OR5M1: variants seen among roughly 807,000 people sequenced by gnomAD.
OR5M1 encodes olfactory receptor family 5 subfamily M member 1.
For synonymous variants in OR5M1, 165 were observed against 144.2 expected (o/e 1.14, Z -1.04); for missense variants, 367 against 379.5 (o/e 0.97, Z 0.27).
In OR5M1 at chr11:56,611,016, C is replaced by G. The variant is rs1253071852; in HGVS notation, c.*1539G>C. On this transcript the variant is annotated 3_prime_UTR_variant, in exon 2 of 2. Coordinates refer to ENST00000641076, the MANE Select transcript of OR5M1 (RefSeq NM_001004740.2). ...CAAATCTGGATATGAGACCATTCTG[C>G]TTGCCAGAAATGGAATACAATGCTT... 6.6e-6 allele frequency: 1 copy of G among 151,964 alleles called. No individual in the cohort carries two copies. The highest frequency in any genetic ancestry group is 2.4e-5 in the African/African-American group (1 of 41,392). The allele number at this position is 151,964 out of a possible 1,614,324, so 9.4% of individuals were successfully genotyped here.
At position 56,613,495 on chromosome 11, in the gene OR5M1, G is replaced by A. The variant is rs151301846; in HGVS notation, c.8C>T (p.Ser3Phe). The A allele has an allele frequency of 0.019, 29,885 of 1,611,884 alleles. 389 individuals carry two copies. The highest frequency in any genetic ancestry group is 0.036 in the South Asian group (3,265 of 91,010). The change falls in exon 2 of 2, where the codon TCC becomes TTC. Residue 3 changes from serine (S) to phenylalanine (F), a missense_variant. Physicochemically the swap from Ser to Phe is radical, Grantham distance 155. Coordinates refer to ENST00000641076, the MANE Select transcript of OR5M1 (RefSeq NM_001004740.2). The stretch of plus-strand genomic sequence containing the variant: ...TTCTGTCACTATGGTGTGGTTTGGG[G>A]AGAACATCTTCTTATCTCTTGAAAC... MF[S>F]PNHTIVTEFI...
Position 56,613,221 on chromosome 11 carries a change from G to T in OR5M1, c.282C>A (p.Tyr94Ter), listed in dbSNP as rs371477399. The T allele has an allele frequency of 6.2e-7, 1 of 1,613,726 alleles. No homozygotes were observed. Among genetic ancestry groups the T allele is most frequent in the South Asian group, 1.1e-5 (1 of 91,080 alleles). Residue 94 changes from tyrosine to a stop codon, truncating the protein, a stop_gained, in exon 2 of 2, where the codon TAC becomes TAA. Transcript: ENST00000641076. LOFTEE classifies it low-confidence loss of function (END_TRUNC). ...NFLSEQKTISYAGCFTQCLLF... is the reference protein window; with the variant it reads ...NFLSEQKTIS ...GAAGACACTGTGTGAAGCATCCAGC[G>T]TAGGAGATGGTCTTCTGTTCTGAGA...
rs897570820 is a variant in OR5M1 at position 56,610,166 on chromosome 11, A to T, written c.*2389T>A. 8 of 152,188 alleles carry T rather than the reference A, an allele frequency of 5.3e-5. No individual in the cohort carries two copies. The highest frequency in any genetic ancestry group is 1.9e-4 in the African/African-American group (8 of 41,568). The allele number at this position is 152,188 out of a possible 1,614,324, so 9.4% of individuals were successfully genotyped here. On this transcript the variant is annotated 3_prime_UTR_variant, in exon 2 of 2. Coordinates refer to ENST00000641076, the MANE Select transcript of OR5M1 (RefSeq NM_001004740.2). ...TTTGTCTGTACCTGGTAATTAATTA[A>T]TATGAATATGTATGCCTTTGCGACT...
rs754686996 is a variant in OR5M1, at chr11:56,613,075, C to G, written c.428G>C (p.Cys143Ser). Reference protein sequence around the residue: ...SSRMSKNICVCLVTIPYMYGF... With the variant: ...SSRMSKNICVSLVTIPYMYGF... ...ATACATGTAAGGGATAGTGACCAGA[C>G]AGACACAGATGTTCTTGGACATCCT... Residue 143 changes from cysteine to serine, a missense_variant, in exon 2 of 2, where the codon TGT becomes TCT. Physicochemically the swap from Cys to Ser is moderately radical, Grantham distance 112. Coordinates refer to ENST00000641076, the MANE Select transcript of OR5M1 (RefSeq NM_001004740.2). 6.4e-6 allele frequency: 10 copies of G among 1,564,980 alleles called. No homozygotes were observed. Among genetic ancestry groups the G allele is most frequent in the Non-Finnish European group, 7.8e-6 (9 of 1,150,634 alleles).
chr11:56,612,550 CA>C lies in OR5M1; in HGVS notation c.*4del. ...AGCAATTCGTGACTGCAAATAAACA[CA>C]AGCCTAAACTGCAATTTTATGAAAG... is the stretch of plus-strand genomic sequence containing the variant. On this transcript the variant is annotated 3_prime_UTR_variant, in exon 2 of 2. Transcript: ENST00000641076. The C allele has an allele frequency of 6.3e-7, 1 of 1,577,022 alleles. No individual in the cohort carries two copies. Among genetic ancestry groups the C allele is most frequent in the Non-Finnish European group, 8.6e-7 (1 of 1,165,892 alleles).
In OR5M1 at chr11:56,610,615, T is replaced by C. The variant is rs1323005399; in HGVS notation, c.*1940A>G. 6.6e-6 allele frequency: 1 copy of C among 152,112 alleles called. No homozygotes were observed. The highest frequency in any genetic ancestry group is 1.5e-5 in the Non-Finnish European group (1 of 67,984). 9.4% of individuals were successfully genotyped at this position (152,112 alleles called of 1,614,324 possible). A position where few individuals can be genotyped will look rare whatever the true frequency, so the allele number is the denominator to read the frequency against. On this transcript the variant is annotated 3_prime_UTR_variant, in exon 2 of 2. Coordinates refer to ENST00000641076, the MANE Select transcript of OR5M1 (RefSeq NM_001004740.2). ...GTAAATGGAGATAATAATTCTCTCA[T>C]TATTTCATTTATGAAGATTAAAATA...
In OR5M1 at chr11:56,609,620, C is replaced by T. The variant is rs922745550; in HGVS notation, c.*2935G>A. 17 of 151,650 alleles carry T rather than the reference C, an allele frequency of 1.1e-4. No individual in the cohort carries two copies. The highest frequency in any genetic ancestry group is 3.4e-4 in the African/African-American group (14 of 41,318). 9.4% of individuals were successfully genotyped at this position (151,650 alleles called of 1,614,324 possible). A position where few individuals can be genotyped will look rare whatever the true frequency, so the allele number is the denominator to read the frequency against. ...GCAGGAGTTTCAAAAGCATTGAAAA[C>T]ATTTAATTCAGCAGTTCCACTTCTG... is the stretch of plus-strand genomic sequence containing the variant. On this transcript the variant is annotated 3_prime_UTR_variant, in exon 2 of 2. Transcript: ENST00000641076.
At chr11:56,613,576 C>A in intron 1 of OR5M1, 57 bp from the exon 2 acceptor site, 1 of 1,383,060 alleles carries the variant, frequency 7.2e-7, no homozygotes, top group South Asian at 1.3e-5. Flanking sequence ...GCATTTGTTT[C>A]ATCCATTTAT....
At chr11:56,613,849 C>T (rs1015286840) in intron 1 of OR5M1, among the ~76,000 whole-genome samples, 3 of 151,914 alleles carry the variant, frequency 2.0e-5, no homozygotes, top group African/African-American at 7.3e-5. Context: ...ATTCAAACTT[C>T]GTGAGGAAAC....
At position 56,612,324 on chromosome 11, in the gene OR5M1, C is replaced by G. The variant is rs1193206093; in HGVS notation, c.*231G>C. On this transcript the variant is annotated 3_prime_UTR_variant, in exon 2 of 2. Transcript: ENST00000641076. ...TATTTTCATATAGAATTATTAGATA[C>G]TAAAAAATTTATTTTCATAGAATTT... The G allele has an allele frequency of 3.2e-6, 1 of 308,728 alleles. No individual in the cohort carries two copies. The highest frequency in any genetic ancestry group is 2.2e-5 in the African/African-American group (1 of 46,272). 19.1% of individuals were successfully genotyped at this position (308,728 alleles called of 1,614,324 possible).
chr11:56,609,582 A>G lies in OR5M1; in HGVS notation c.*2973T>C, dbSNP rs1442430171. On this transcript the variant is annotated 3_prime_UTR_variant, in exon 2 of 2. Transcript: ENST00000641076. Reference sequence around the variant, plus strand: ...AAGCTTTCTGGAGAAAAATTTACCCATAGAAAAATTTAGCAGGAGTTTCAA... The same window carrying G: ...AAGCTTTCTGGAGAAAAATTTACCCGTAGAAAAATTTAGCAGGAGTTTCAA... 2.0e-5 allele frequency: 3 copies of G among 151,982 alleles called. No homozygotes were observed. Among genetic ancestry groups the G allele is most frequent in the Non-Finnish European group, 4.4e-5 (3 of 67,852 alleles). 9.4% of individuals were successfully genotyped at this position (151,982 alleles called of 1,614,324 possible).
rs768719281 is a variant in OR5M1, at chr11:56,612,626, G to A, written c.877C>T (p.Arg293Trp). ...PMLNPLIYSL[R>W]NTDVILAMQQ... ...ATGGCAAGGATTACATCTGTGTTCC[G>A]TAGGCTATAGATCAATGGGTTCAGC... Residue 293 changes from arginine (R) to tryptophan (W), a missense_variant, in exon 2 of 2, where the codon CGG (arginine) becomes TGG (tryptophan). By Grantham distance (101) the Arg-to-Trp change is moderately radical. Coordinates refer to ENST00000641076, the MANE Select transcript of OR5M1 (RefSeq NM_001004740.2). 1.9e-5 allele frequency: 30 copies of A among 1,612,832 alleles called. No individual in the cohort carries two copies. Among genetic ancestry groups the A allele is most frequent in the Non-Finnish European group, 2.3e-5 (27 of 1,179,558 alleles).
In OR5M1 at chr11:56,612,343, A is replaced by T; in HGVS notation, c.*212T>A. 3 of 348,672 alleles carry T rather than the reference A, an allele frequency of 8.6e-6. No homozygotes were observed. Among genetic ancestry groups the T allele is most frequent in the Non-Finnish European group, 1.5e-5 (3 of 194,682 alleles). The allele number at this position is 348,672 out of a possible 1,614,324, so 21.6% of individuals were successfully genotyped here. Reference sequence around the variant, plus strand: ...TAGATACTAAAAAATTTATTTTCATAGAATTTCTGACAAATAAAACATTTT... The same window carrying T: ...TAGATACTAAAAAATTTATTTTCATTGAATTTCTGACAAATAAAACATTTT... On this transcript the variant is annotated 3_prime_UTR_variant, in exon 2 of 2. Coordinates refer to ENST00000641076, the MANE Select transcript of OR5M1 (RefSeq NM_001004740.2).
rs186105577 is a variant in OR5M1, at chr11:56,613,404, C to T, written c.99G>A (p.Ala33=). ...LEKILFGVFL[A]IYLITLAGNL... ...TGCCTGCCAGTGTGATTAGGTAGAT[C>T]GCAAGGAATACCCCAAACAGGATCT... Residue 33 remains alanine (A), a synonymous_variant, in exon 2 of 2, where the codon GCG becomes GCA. Transcript: ENST00000641076. 5.8e-5 allele frequency: 94 copies of T among 1,613,578 alleles called. No homozygotes were observed. In the East Asian group the frequency reaches 1.5e-3, roughly 26 times the overall value.
chr11:56,611,379 G>A lies in OR5M1; in HGVS notation c.*1176C>T, dbSNP rs1433340232. The stretch of plus-strand genomic sequence containing the variant: ...TGCCCCCATTTTACAAAAACTGCAA[G>A]TCATCTGCTTAATATTCTGGAAAAC... On this transcript the variant is annotated 3_prime_UTR_variant, in exon 2 of 2. Coordinates refer to ENST00000641076, the MANE Select transcript of OR5M1 (RefSeq NM_001004740.2). 1.3e-5 allele frequency: 2 copies of A among 152,068 alleles called. No homozygotes were observed. The highest frequency in any genetic ancestry group is 2.4e-5 in the African/African-American group (1 of 41,386). 9.4% of individuals were successfully genotyped at this position (152,068 alleles called of 1,614,324 possible).
In OR5M1 at chr11:56,613,520, C is replaced by T; in HGVS notation, c.-17-1G>A. 6.3e-7 allele frequency: 1 copy of T among 1,595,918 alleles called. No homozygotes were observed. The highest frequency in any genetic ancestry group is 8.6e-7 in the Non-Finnish European group (1 of 1,165,792). ...GAGAACATCTTCTTATCTCTTGAAA[C>T]TGAAAGTGACAAAGAATGTGAGGAT... On this transcript the variant is annotated splice_acceptor_variant, in intron 1 of 1. Coordinates refer to ENST00000641076, the MANE Select transcript of OR5M1 (RefSeq NM_001004740.2). LOFTEE classifies it low-confidence loss of function (5UTR_SPLICE).
rs1281790887 is a variant in OR5M1, at chr11:56,609,469, A to G, written c.*3086T>C. 1 of 152,022 alleles carries G rather than the reference A, an allele frequency of 6.6e-6. No homozygotes were observed. Among genetic ancestry groups the G allele is most frequent in the Non-Finnish European group, 1.5e-5 (1 of 67,880 alleles). The allele number at this position is 152,022 out of a possible 1,614,324, so 9.4% of individuals were successfully genotyped here. A position where few individuals can be genotyped will look rare whatever the true frequency, so the allele number is the denominator to read the frequency against. Reference sequence around the variant, plus strand: ...TTCCCTTGAGACATCAAAGAAGCAAATAACCATAAACAAGAGCTCCTACTA... The same window carrying G: ...TTCCCTTGAGACATCAAAGAAGCAAGTAACCATAAACAAGAGCTCCTACTA... On this transcript the variant is annotated 3_prime_UTR_variant, in exon 2 of 2. Transcript: ENST00000641076.
Position 56,612,686 on chromosome 11 carries a change from T to C in OR5M1, c.817A>G (p.Ile273Val). 1 of 1,613,848 alleles carries C rather than the reference T, an allele frequency of 6.2e-7. No individual in the cohort carries two copies. Among genetic ancestry groups the C allele is most frequent in the Non-Finnish European group, 8.5e-7 (1 of 1,179,774 alleles). Reference protein sequence around the residue: ...PSEKSVEESKITAVFYTFLSP... With the variant: ...PSEKSVEESKVTAVFYTFLSP... Reference sequence around the variant, plus strand: ...AAAAAAGTATAAAAGACTGCAGTTATTTTGGACTCCTCTACAGACTTCTCT... The same window carrying C: ...AAAAAAGTATAAAAGACTGCAGTTACTTTGGACTCCTCTACAGACTTCTCT... Residue 273 changes from isoleucine to valine, a missense_variant, in exon 2 of 2, where the codon ATA (isoleucine) becomes GTA (valine). By Grantham distance (29) the Ile-to-Val change is conservative. Transcript: ENST00000641076.
rs575142760 is a variant in OR5M1 at position 56,610,909 on chromosome 11, T to C, written c.*1646A>G. 1 of 152,146 alleles carries C rather than the reference T, an allele frequency of 6.6e-6. No individual in the cohort carries two copies. Among genetic ancestry groups the C allele is most frequent in the South Asian group, 2.1e-4 (1 of 4,824 alleles). 9.4% of individuals were successfully genotyped at this position (152,146 alleles called of 1,614,324 possible). A position where few individuals can be genotyped will look rare whatever the true frequency, so the allele number is the denominator to read the frequency against. ...CAGAGCAATTCTCATAACTAGAAAA[T>C]AAATGGAATCGTACAGTTATTTAGG... On this transcript the variant is annotated 3_prime_UTR_variant, in exon 2 of 2. Transcript: ENST00000641076.
Sources: gnomAD v4.1 joint callset for allele counts (sites outside exome capture counted in the v4.1 genomes callset) on GRCh38, gnomAD v4.1.1 for gene constraint, MANE v1.5 for transcripts, NCBI Gene and HGNC (gene_info 2026-07-23, HGNC 2026-07-21) for gene names.